The following JPH1 variants were observed in gnomAD, a reference collection of about 807,000 sequenced individuals.
The protein encoded by JPH1 is junctophilin 1, also known as junctophilin-1.
A neutral mutation model predicts 53.6 loss-of-function variants in JPH1; 12 were observed. The observed-to-expected ratio is 0.22, with a 90% CI of 0.14 to 0.36. The LOEUF is 0.36. Ranked by LOEUF, JPH1 falls within the 10% of genes least tolerant of loss-of-function variation. The pLI, the probability that JPH1 is intolerant of heterozygous loss-of-function variation, is 1.00. For missense variants in JPH1, 808 were observed against 905.5 expected, an observed-to-expected ratio of 0.89 and a Z score of 1.38; for synonymous variants, 375 against 363.8, an observed-to-expected ratio of 1.03 and a Z score of -0.35.
intron 4 of JPH1, among the ~76,000 whole-genome samples, chr8:74,242,632 T>C (rs17337083): frequency 0.062 from 9,408 of 152,234 alleles, 365 homozygotes; most frequent in Middle Eastern, 0.13. Context: ...CTCTGAGGAG[T>C]GGGGACGGCA....
chr8:74,305,327 C>T (rs558654011), intron 2 of JPH1, among the ~76,000 whole-genome samples: 1 of 152,336 alleles, frequency 6.6e-6, no homozygotes, highest in South Asian at 2.1e-4. Context: ...AGCATGCAGG[C>T]AGAACTCTGC....
chr8:74,297,902 T>C (rs1030395836), intron 2 of JPH1, among the ~76,000 whole-genome samples: 1 of 152,072 alleles, frequency 6.6e-6, no homozygotes, highest in Non-Finnish European at 1.5e-5. Flanking sequence ...TGAAATTATA[T>C]AGAGAAATTA....
intron 2 of JPH1, among the ~76,000 whole-genome samples, chr8:74,305,090 T>C (rs982582593): frequency 2.6e-5 from 4 of 152,256 alleles, no homozygotes; most frequent in Non-Finnish European, 5.9e-5. Context: ...CTTACATAAA[T>C]ACCTTTGGCA....
chr8:74,317,613 C>A (rs920366852), intron 1 of JPH1, among the ~76,000 whole-genome samples: 1 of 152,114 alleles, frequency 6.6e-6, no homozygotes, highest in Non-Finnish European at 1.5e-5. Context: ...CTAAAATAAA[C>A]CACCTTATTT....
chr8:74,274,892 C>G (rs1806804261), intron 2 of JPH1, among the ~76,000 whole-genome samples: 1 of 152,132 alleles, frequency 6.6e-6, no homozygotes, highest in African/African-American at 2.4e-5. Context: ...GAATTAAAAT[C>G]CAGCTTAAAT....
At chr8:74,267,553 G>C (rs1806569673) in intron 2 of JPH1, among the ~76,000 whole-genome samples, 1 of 152,196 alleles carries the variant, frequency 6.6e-6, no homozygotes, top group Non-Finnish European at 1.5e-5. Flanking sequence ...GCTAGGGAAA[G>C]CTTGCTGAAT....
chr8:74,320,988 C>A lies in JPH1; in HGVS notation c.300G>T (p.Leu100=). Residue 100 remains leucine (L), a synonymous_variant, in exon 1 of 6, where the codon CTG becomes CTT. Transcript: ENST00000342232. This position sits in a 1 kb window ranked among gnomAD's most constrained non-coding sequence, Gnocchi z 4.4. ...FKGRYGVRQS[L]CTPARYEGTW... Reference sequence around the variant, plus strand: ...TACCCTCGTAGCGAGCGGGGGTGCACAGGCTCTGCCGGACCCCGTAGCGCC... The same window carrying A: ...TACCCTCGTAGCGAGCGGGGGTGCAAAGGCTCTGCCGGACCCCGTAGCGCC... 1 of 1,612,356 alleles carries A rather than the reference C, an allele frequency of 6.2e-7. No individual in the cohort carries two copies. Among genetic ancestry groups the A allele is most frequent in the Non-Finnish European group, 8.5e-7 (1 of 1,179,294 alleles).
intron 2 of JPH1, among the ~76,000 whole-genome samples, chr8:74,267,144 G>C (rs1476612489): frequency 6.6e-6 from 1 of 152,176 alleles, no homozygotes; most frequent in East Asian, 1.9e-4. Flanking sequence ...CATGACATAG[G>C]CATCTGTAGT....
intron 2 of JPH1, among the ~76,000 whole-genome samples, chr8:74,303,856 A>C (rs1175386516): frequency 6.6e-6 from 1 of 152,190 alleles, no homozygotes; most frequent in African/African-American, 2.4e-5. Context: ...AATTCTGCCT[A>C]ACACCTATCA....
chr8:74,301,815 T>G (rs75789537), intron 2 of JPH1, among the ~76,000 whole-genome samples: 12,360 of 152,268 alleles, frequency 0.081, 645 homozygotes, highest in African/African-American at 0.15. Context: ...CTCACAAGAT[T>G]TGTGGCTGTT....
intron 1 of JPH1, among the ~76,000 whole-genome samples, chr8:74,316,380 T>C (rs1452322969): frequency 6.6e-6 from 1 of 152,186 alleles, no homozygotes; most frequent in Admixed American, 6.5e-5. Flanking sequence ...CTGCATCCTC[T>C]ATGGATTTCC....
At chr8:74,265,815 T>C (rs918617960) in intron 2 of JPH1, among the ~76,000 whole-genome samples, 4 of 151,984 alleles carry the variant, frequency 2.6e-5, no homozygotes, top group African/African-American at 9.7e-5. Flanking sequence ...AGGACTTGAA[T>C]AAACATTTCT....
intron 2 of JPH1, among the ~76,000 whole-genome samples, chr8:74,290,918 G>A (rs891940535): frequency 6.6e-6 from 1 of 152,176 alleles, no homozygotes; most frequent in African/African-American, 2.4e-5. Context: ...TGGAAAAACT[G>A]GCTAGGCATA....
At chr8:74,255,717 A>T (rs1344251514) in intron 3 of JPH1, among the ~76,000 whole-genome samples, 1 of 152,200 alleles carries the variant, frequency 6.6e-6, no homozygotes, top group East Asian at 1.9e-4. Context: ...CAACCCCATC[A>T]AAAAGTGGGT....
intron 2 of JPH1, among the ~76,000 whole-genome samples, chr8:74,282,373 C>T (rs528552715): frequency 5.3e-5 from 8 of 152,124 alleles, no homozygotes; most frequent in South Asian, 2.1e-4. Flanking sequence ...ACACTTGGAG[C>T]GATCTGCCCA....
At chr8:74,316,918 T>G (rs1586780515) in intron 1 of JPH1, among the ~76,000 whole-genome samples, 1 of 152,232 alleles carries the variant, frequency 6.6e-6, no homozygotes. Context: ...AAAGAAGCTA[T>G]CTGGAAAATT....
At chr8:74,295,289 CTA>C (rs1807471727) in intron 2 of JPH1, among the ~76,000 whole-genome samples, 1 of 152,114 alleles carries the variant, frequency 6.6e-6, no homozygotes, top group Non-Finnish European at 1.5e-5. Context: ...ACCCATGTGA[CTA>C]TATGTGTGTG....
chr8:74,306,594 T>C (rs535488868), intron 2 of JPH1, among the ~76,000 whole-genome samples: 1 of 147,780 alleles, frequency 6.8e-6, no homozygotes, highest in Non-Finnish European at 1.5e-5. Context: ...ATGATGGTGA[T>C]CTACACTAAC....
chr8:74,241,901 C>T (rs1805704233), intron 4 of JPH1, among the ~76,000 whole-genome samples: 3 of 152,184 alleles, frequency 2.0e-5, no homozygotes, highest in African/African-American at 4.8e-5. Flanking sequence ...AAATTCCCCT[C>T]TTGTCTACTT....
Sources: gnomAD v4.1 joint callset for allele counts (sites outside exome capture counted in the v4.1 genomes callset) on GRCh38, gnomAD v4.1.1 for gene constraint, Gnocchi (gnomAD v3.1) non-coding constraint, MANE v1.5 for transcripts, NCBI Gene and HGNC (gene_info 2026-07-23, HGNC 2026-07-21) for gene names.